The following UBE4B variants were observed in gnomAD, a reference collection of about 807,000 sequenced individuals.
UBE4B encodes the protein ubiquitination factor E4B, also known as ubiquitin conjugation factor E4 B.
Under a neutral mutation model 148.1 loss-of-function variants are expected in UBE4B, and 27 were observed. The observed-to-expected ratio is 0.18, with a 90% CI of 0.13 to 0.25. The LOEUF (loss-of-function observed/expected upper bound fraction) is 0.25, where lower values mean the gene tolerates loss of function less well. Among genes scored for constraint, UBE4B ranks in the 10% least tolerant of loss-of-function variants. The pLI, the probability that UBE4B is intolerant of heterozygous loss-of-function variation, is 1.00. For synonymous variants in UBE4B, 596 were observed against 619.3 expected (o/e 0.96, Z 0.56); for missense variants, 1,170 against 1,662.4 (o/e 0.70, Z 5.15).
intron 1 of UBE4B, among the ~76,000 whole-genome samples, chr1:10,036,082 CTTTTTTT>C (rs112866835): frequency 2.2e-5 from 3 of 136,456 alleles, no homozygotes; most frequent in South Asian, 4.6e-4. Flanking sequence ...CTATAAATTA[CTTTTTTT>C]TTTTTTTTTT....
Position 10,171,015 on chromosome 1 carries a change from A to G in UBE4B, c.3334-123A>G, listed in dbSNP as rs1178362860. On this transcript the variant is annotated intron_variant, in intron 24 of 27. Coordinates refer to ENST00000343090, the MANE Select transcript of UBE4B (RefSeq NM_001105562.3). ...CTTTCTTCAGCTTATGATACACAGC[A>G]CCTGTAAGGATTCTTTGAAGATTAA... The G allele has an allele frequency of 8.3e-6, 8 of 967,746 alleles. 1 individual carries two copies. Among genetic ancestry groups the G allele is most frequent in the Non-Finnish European group, 1.2e-5 (8 of 648,904 alleles). 59.9% of individuals were successfully genotyped at this position (967,746 alleles called of 1,614,324 possible).
intron 10 of UBE4B, among the ~76,000 whole-genome samples, chr1:10,126,440 G>A (rs1260192977): frequency 6.6e-6 from 1 of 152,212 alleles, no homozygotes; most frequent in Admixed American, 6.5e-5. Flanking sequence ...TTGCTGAGAT[G>A]TGCAGAATTT....
chr1:10,050,875 A>G lies in UBE4B; in HGVS notation c.24+17181A>G, dbSNP rs557536666. 7.2e-5 allele frequency among the ~76,000 whole-genome samples: 11 copies of G among 152,062 alleles called. 1 individual carries two copies. The South Asian group carries it at 1.9e-3, about 26-fold the overall frequency. On this transcript the variant is annotated intron_variant, in intron 1 of 27. Coordinates refer to ENST00000343090, the MANE Select transcript of UBE4B (RefSeq NM_001105562.3). ...GCCACCACAACCGGCCTGCCTCCCA[A>G]TTCTAGTATTGCAATAGTTTATTTG...
intron 22 of UBE4B, among the ~76,000 whole-genome samples, chr1:10,158,884 T>C (rs1016403512): frequency 3.3e-5 from 5 of 151,772 alleles, no homozygotes; most frequent in Non-Finnish European, 7.4e-5. Flanking sequence ...GTGGCGCACG[T>C]CTGTTATCCT....
intron 1 of UBE4B, among the ~76,000 whole-genome samples, chr1:10,048,210 A>T (rs1643954378): frequency 6.6e-6 from 1 of 152,204 alleles, no homozygotes; most frequent in South Asian, 2.1e-4. Flanking sequence ...TTTTGGCTTA[A>T]GCAGCTCAAA....
In UBE4B at chr1:10,098,186, A is replaced by T. The variant is rs149587415; in HGVS notation, c.347+2590A>T. 2.6e-3 allele frequency among the ~76,000 whole-genome samples: 402 copies of T among 152,262 alleles called. 5 individuals carry two copies. The highest frequency in any genetic ancestry group is 2.1e-3 in the Non-Finnish European group (141 of 68,010). On this transcript the variant is annotated intron_variant, in intron 3 of 27. Transcript: ENST00000343090. ...TCAATTAAGTTTGCTTTAAAATAATACAATATAATATAAATATAGTATATC... is the reference window on the plus strand; with the variant it reads ...TCAATTAAGTTTGCTTTAAAATAATTCAATATAATATAAATATAGTATATC...
rs769884068 is a variant in UBE4B at position 10,179,878 on chromosome 1, T to C, written c.3848-17T>C. On this transcript the variant is annotated splice_polypyrimidine_tract_variant and intron_variant, in intron 27 of 27. Transcript: ENST00000343090. ...CTCCCATCTGGGGCATTAATCCTCC[T>C]TTTTTTCTTTTCTCAGTGCCAGAAC... 3 of 1,613,166 alleles carry C rather than the reference T, an allele frequency of 1.9e-6. No homozygotes were observed. The South Asian group carries it at 3.3e-5, about 18-fold the overall frequency.
At chr1:10,080,986 C>T (rs1165202211) in intron 2 of UBE4B, among the ~76,000 whole-genome samples, 3 of 152,116 alleles carry the variant, frequency 2.0e-5, no homozygotes, top group African/African-American at 4.8e-5. Flanking sequence ...CTTTAGTGAT[C>T]TATTGTACAG....
chr1:10,077,730 G>A (rs1431058664), intron 2 of UBE4B, among the ~76,000 whole-genome samples: 1 of 152,186 alleles, frequency 6.6e-6, no homozygotes, highest in Non-Finnish European at 1.5e-5. Flanking sequence ...TGTGCTGAGT[G>A]CTGAGCAGAA....
intron 22 of UBE4B, among the ~76,000 whole-genome samples, chr1:10,159,744 T>C (rs1167541966): frequency 6.6e-6 from 1 of 152,238 alleles, no homozygotes; most frequent in Non-Finnish European, 1.5e-5. Context: ...TTGCAACCCA[T>C]GTTAGATCTT....
At chr1:10,035,156 G>C in intron 1 of UBE4B, among the ~76,000 whole-genome samples, 1 of 144,444 alleles carries the variant, frequency 6.9e-6, no homozygotes, top group East Asian at 2.2e-4. Context: ...CCGCTACCAC[G>C]CCCGGCTATT....
intron 6 of UBE4B, among the ~76,000 whole-genome samples, 173 bp downstream of exon 6, chr1:10,105,917 AT>A (rs1316890634): frequency 6.6e-6 from 1 of 152,092 alleles, no homozygotes; most frequent in Admixed American, 6.6e-5. Flanking sequence ...CTAGATTATT[AT>A]TTTTTGGCTC....
chr1:10,055,890 G>A (rs1379533323), intron 1 of UBE4B, among the ~76,000 whole-genome samples: 1 of 152,146 alleles, frequency 6.6e-6, no homozygotes, highest in Admixed American at 6.6e-5. Context: ...CTGCATTCCA[G>A]CCTGGATGAC....
At chr1:10,160,557 TA>T (rs1646144260) in intron 22 of UBE4B, among the ~76,000 whole-genome samples, 1 of 152,138 alleles carries the variant, frequency 6.6e-6, no homozygotes, top group Non-Finnish European at 1.5e-5. Flanking sequence ...AATCTGGTTA[TA>T]AAATTCTGGA....
chr1:10,135,574 TA>T (rs1026597943), intron 16 of UBE4B, among the ~76,000 whole-genome samples: 7 of 151,832 alleles, frequency 4.6e-5, no homozygotes, highest in Non-Finnish European at 1.0e-4. Flanking sequence ...CCATCTCTAC[TA>T]AAAATACAAA....
chr1:10,086,386 TA>T (rs919048765), intron 2 of UBE4B, among the ~76,000 whole-genome samples: 1 of 152,084 alleles, frequency 6.6e-6, no homozygotes, highest in Non-Finnish European at 1.5e-5. Flanking sequence ...CAGTGACTAT[TA>T]AATATGCACT....
chr1:10,158,555 G>A, intron 22 of UBE4B, 73 bp downstream of exon 22: 2 of 1,558,462 alleles, frequency 1.3e-6, no homozygotes, highest in Non-Finnish European at 1.7e-6. Flanking sequence ...TTAAAAGCAT[G>A]CACAGCTGGG....
intron 10 of UBE4B, among the ~76,000 whole-genome samples, chr1:10,123,866 C>T (rs1645449268): frequency 1.3e-5 from 2 of 152,032 alleles, no homozygotes; most frequent in African/African-American, 2.4e-5. Flanking sequence ...CTCCGCCTCC[C>T]GGGTTCAAGC....
chr1:10,093,772 G>A (rs1406059279), intron 2 of UBE4B, among the ~76,000 whole-genome samples: 1 of 150,908 alleles, frequency 6.6e-6, no homozygotes, highest in Non-Finnish European at 1.5e-5. Flanking sequence ...TTGGCTCACT[G>A]CAACCTCCGC....
Sources: allele counts gnomAD v4.1 joint callset (sites outside exome capture counted in the v4.1 genomes callset), GRCh38; gene constraint gnomAD v4.1.1; transcripts MANE v1.5; gene names NCBI Gene and HGNC (gene_info 2026-07-23, HGNC 2026-07-21).